COL6A5: variants seen among roughly 807,000 people sequenced by gnomAD.
The protein encoded by COL6A5 is collagen type VI alpha 5 chain.
In COL6A5, 48 loss-of-function variants were observed where a neutral mutation model predicts 65.6. The observed-to-expected ratio is 0.73, with a 90% CI of 0.58 to 0.93. COL6A5 has a LOEUF of 0.93. Ranked by LOEUF, COL6A5 falls within the 40% of genes least tolerant of loss-of-function variation. The probability of loss-of-function intolerance (pLI) is 0.00; values close to 1 mark genes in which losing one functional copy is unlikely to be tolerated. For synonymous variants in COL6A5, 291 were observed against 322.8 expected (o/e 0.90, Z 1.05); for missense variants, 914 against 928.3 (o/e 0.98, Z 0.20).
At chr3:130,484,757 G>A (rs953405059) in exon 8 of COL6A5, 7 of 398,778 alleles carry the variant, frequency 1.8e-5, no homozygotes, top group South Asian at 1.3e-4. Flanking sequence ...TTACGGAAAA[G>A]CACAGATACT....
chr3:130,481,812 T>G (rs1229012685), intron 7 of COL6A5, among the ~76,000 whole-genome samples: 1 of 152,250 alleles, frequency 6.6e-6, no homozygotes, highest in Non-Finnish European at 1.5e-5. Context: ...ATGAGCCTTT[T>G]TTTCATTTGT....
intron 20 of COL6A5, among the ~76,000 whole-genome samples, chr3:130,412,412 G>A (rs1017494856): frequency 3.2e-4 from 49 of 152,162 alleles, no homozygotes; most frequent in African/African-American, 1.1e-3. Context: ...ACTGGGTGAG[G>A]TTTATTGGGC....
intron 17 of COL6A5, among the ~76,000 whole-genome samples, chr3:130,407,394 A>G (rs377658936): frequency 6.6e-6 from 1 of 152,312 alleles, no homozygotes; most frequent in East Asian, 1.9e-4. Context: ...AAGCAGAAGA[A>G]TCACAATCAG....
At chr3:130,455,114 T>C (rs1709537185) in intron 4 of COL6A5, among the ~76,000 whole-genome samples, 1 of 150,942 alleles carries the variant, frequency 6.6e-6, no homozygotes, top group African/African-American at 2.4e-5. Context: ...CATTCCAGCC[T>C]GGGTGACCCT....
intron 17 of COL6A5, among the ~76,000 whole-genome samples, chr3:130,406,676 G>GA (rs1193952987): frequency 1.6e-4 from 23 of 146,228 alleles, no homozygotes; most frequent in East Asian, 9.8e-4. Context: ...TATTATGTCA[G>GA]AAAAAAAAAA....
chr3:130,371,932 G>C (rs1218000316), intron 1 of COL6A5, among the ~76,000 whole-genome samples: 2 of 152,080 alleles, frequency 1.3e-5, no homozygotes, highest in African/African-American at 4.8e-5. Flanking sequence ...TCATATATCT[G>C]CTAAGCATGT....
intron 1 of COL6A5, among the ~76,000 whole-genome samples, chr3:130,436,362 C>G (rs919351068): frequency 6.6e-6 from 1 of 151,916 alleles, no homozygotes. Flanking sequence ...CTACATTATT[C>G]CAATCAGGAG....
In COL6A5 at chr3:130,423,745, T is replaced by A. The variant is rs891868423; in HGVS notation, c.5101-93T>A. 2.1e-4 allele frequency: 175 copies of A among 838,894 alleles called. 1 individual carries two copies. The African/African-American group carries it at 6.1e-3, about 29-fold the overall frequency. 52.0% of individuals were successfully genotyped at this position (838,894 alleles called of 1,614,324 possible). ...TTAATAGCTGCTATCTTTTTAAAAT[T>A]TTTTTTAAAATTAGAAAGTCTTATC... On this transcript the variant is annotated intron_variant and NMD_transcript_variant, in intron 28 of 41. Transcript: ENST00000312481.
chr3:130,368,860 T>A (rs1935444043), intron 1 of COL6A5, among the ~76,000 whole-genome samples: 1 of 152,206 alleles, frequency 6.6e-6, no homozygotes, highest in Non-Finnish European at 1.5e-5. Context: ...GAAAACTCAA[T>A]GTGCCTTCCA....
At chr3:130,469,540 T>TC in intron 6 of COL6A5, 59 bp downstream of exon 38, 1 of 1,336,556 alleles carries the variant, frequency 7.5e-7, no homozygotes, top group Non-Finnish European at 1.0e-6. Flanking sequence ...CTGTGTACAG[T>TC]CCATCAGCAG....
intron 20 of COL6A5, among the ~76,000 whole-genome samples, chr3:130,411,744 T>TA (rs144237661): frequency 6.6e-6 from 1 of 152,014 alleles, no homozygotes; most frequent in Non-Finnish European, 1.5e-5. Flanking sequence ...TGAGGTACTT[T>TA]AAAAAAAGAG....
chr3:130,458,797 C>T (rs1297405011), intron 5 of COL6A5, among the ~76,000 whole-genome samples: 2 of 152,110 alleles, frequency 1.3e-5, no homozygotes, highest in African/African-American at 2.4e-5. Context: ...TAGAGATTAT[C>T]GAGAGATACT....
intron 7 of COL6A5, among the ~76,000 whole-genome samples, chr3:130,392,889 A>T (rs570662187): frequency 1.3e-5 from 2 of 152,126 alleles, no homozygotes; most frequent in Non-Finnish European, 2.9e-5. Flanking sequence ...AAGGAAAATT[A>T]TGATTTTTCC....
intron 4 of COL6A5, among the ~76,000 whole-genome samples, chr3:130,452,844 G>C (rs889911940): frequency 6.6e-6 from 1 of 152,070 alleles, no homozygotes; most frequent in Non-Finnish European, 1.5e-5. Context: ...CCACACCCAA[G>C]GGGGCCATTT....
intron 1 of COL6A5, 23 bp from the exon 34 acceptor site, chr3:130,439,499 C>T (rs2403340): frequency 0.65 from 990,874 of 1,516,218 alleles, 339,627 homozygotes; most frequent in Non-Finnish European, 0.71. Flanking sequence ...AGCAAACATG[C>T]GTTCACTTCT....
intron 7 of COL6A5, among the ~76,000 whole-genome samples, chr3:130,475,189 T>C (rs975674048): frequency 2.6e-5 from 4 of 151,424 alleles, no homozygotes; most frequent in African/African-American, 9.7e-5. Context: ...TAGAATTCCA[T>C]AAGGGAAGTA....
chr3:130,467,054 C>G (rs1476144247), intron 5 of COL6A5, among the ~76,000 whole-genome samples: 1 of 151,872 alleles, frequency 6.6e-6, no homozygotes, highest in African/African-American at 2.4e-5. Flanking sequence ...AAAAACTCTT[C>G]CAGAACATAA....
At chr3:130,466,556 A>C (rs913255646) in intron 5 of COL6A5, among the ~76,000 whole-genome samples, 3 of 152,046 alleles carry the variant, frequency 2.0e-5, no homozygotes, top group African/African-American at 7.2e-5. Flanking sequence ...TTCTACCTTA[A>C]GAAATCAGAG....
intron 3 of COL6A5, 63 bp from the exon 36 acceptor site, chr3:130,443,412 CT>C: frequency 2.4e-6 from 3 of 1,243,852 alleles, no homozygotes; most frequent in Non-Finnish European, 2.3e-6. Context: ...TGTTGGGATT[CT>C]CTTTACCTAG....
Sources: gnomAD v4.1 joint callset for allele counts (sites outside exome capture counted in the v4.1 genomes callset) on GRCh38, gnomAD v4.1.1 for gene constraint, MANE v1.5 for transcripts, NCBI Gene and HGNC (gene_info 2026-07-23, HGNC 2026-07-21) for gene names.